The following HMGXB3 variants were observed in gnomAD, a reference collection of about 807,000 sequenced individuals.
HMGXB3 encodes the protein HMG-box containing 3.
Under a neutral mutation model 121.5 loss-of-function variants are expected in HMGXB3, and 45 were observed. That is an observed-to-expected ratio of 0.37 (90% CI 0.29 to 0.47). The LOEUF is 0.47. Among genes scored for constraint, HMGXB3 ranks in the 20% least tolerant of loss-of-function variants. HMGXB3 has a pLI of 0.99. For synonymous variants in HMGXB3, 590 were observed against 624.1 expected, an observed-to-expected ratio of 0.95 and a Z score of 0.81; for missense variants, 1,376 against 1,602.2, an observed-to-expected ratio of 0.86 and a Z score of 2.41.
chr5:150,032,700 G>A (rs1756409911), intron 11 of HMGXB3, 97 bp downstream of exon 11: 1 of 1,375,856 alleles, frequency 7.3e-7, no homozygotes, highest in Admixed American at 2.2e-5. Flanking sequence ...AGTACATGGT[G>A]GTAGTTAGAG....
intron 10 of HMGXB3, among the ~76,000 whole-genome samples, chr5:150,031,274 T>A (rs1308846478): frequency 6.6e-6 from 1 of 152,248 alleles, no homozygotes; most frequent in African/African-American, 2.4e-5. Context: ...GTAAAGCAGC[T>A]TATTTTGTTT....
chr5:150,023,394 A>T (rs916990653), intron 6 of HMGXB3, among the ~76,000 whole-genome samples: 4 of 152,206 alleles, frequency 2.6e-5, no homozygotes, highest in Admixed American at 6.5e-5. Flanking sequence ...AGCTTGCCTT[A>T]TACCACATAA....
chr5:150,032,047 AGATGCTAGAGCTTT>A (rs1756393922), intron 10 of HMGXB3, among the ~76,000 whole-genome samples: 1 of 152,006 alleles, frequency 6.6e-6, no homozygotes, highest in Admixed American at 6.6e-5. Flanking sequence ...ATAGGAGCTT[AGATGCTAGAGCTTT>A]GAGCTTTAAT....
chr5:150,039,538 A>AT (rs1260957674), intron 13 of HMGXB3, among the ~76,000 whole-genome samples: 14 of 151,834 alleles, frequency 9.2e-5, no homozygotes, highest in Non-Finnish European at 5.9e-5. Context: ...AATTTGTTGT[A>AT]TTTCTTTGTA....
chr5:150,024,771 CAG>C (rs1215560270), intron 7 of HMGXB3, 91 bp downstream of exon 7: 1 of 1,093,278 alleles, frequency 9.1e-7, no homozygotes, highest in Non-Finnish European at 1.3e-6. Flanking sequence ...AGAGAGGCAG[CAG>C]AGACCAGGCA....
chr5:150,025,226 C>T (rs970837716), intron 7 of HMGXB3, among the ~76,000 whole-genome samples: 6 of 152,198 alleles, frequency 3.9e-5, no homozygotes, highest in African/African-American at 1.2e-4. Context: ...AACCAAGTAC[C>T]TTGCAAGTCG....
At chr5:150,028,082 C>T (rs1756275685) in intron 9 of HMGXB3, among the ~76,000 whole-genome samples, 1 of 152,066 alleles carries the variant, frequency 6.6e-6, no homozygotes, top group Admixed American at 6.6e-5. Context: ...TTTATACATT[C>T]TAGGGGGACA....
At chr5:150,008,096 C>T in intron 3 of HMGXB3, among the ~76,000 whole-genome samples, 1 of 146,618 alleles carries the variant, frequency 6.8e-6, no homozygotes, top group African/African-American at 2.5e-5. Context: ...CACACACACA[C>T]ACAAATCAGC....
chr5:150,024,157 A>G, intron 6 of HMGXB3, 105 bp from the exon 7 acceptor site: 1 of 916,624 alleles, frequency 1.1e-6, no homozygotes, highest in Non-Finnish European at 1.6e-6. Context: ...CATGGACCTT[A>G]GTTTCCTTAT....
At chr5:150,045,989 G>A (rs1756747794) in intron 16 of HMGXB3, among the ~76,000 whole-genome samples, 2 of 152,148 alleles carry the variant, frequency 1.3e-5, no homozygotes, top group South Asian at 4.1e-4. Context: ...ATCCCCAAAG[G>A]TTTTCATTGA....
In HMGXB3 at chr5:150,052,349, G is replaced by A. The variant is rs1019870287; in HGVS notation, c.*157G>A. 16 of 638,724 alleles carry A rather than the reference G, an allele frequency of 2.5e-5. No individual in the cohort carries two copies. The highest frequency in any genetic ancestry group is 2.0e-4 in the African/African-American group (11 of 54,562). 39.6% of individuals were successfully genotyped at this position (638,724 alleles called of 1,614,324 possible). A position where few individuals can be genotyped will look rare whatever the true frequency, so the allele number is the denominator to read the frequency against. On this transcript the variant is annotated 3_prime_UTR_variant, in exon 20 of 20. Transcript: ENST00000502717. ...AGAGCTTCCATTCCCTGAGCATGGT[G>A]GGACCCAGGGTCCTCAGTTCTCAAC...
rs1476782880 is a variant in HMGXB3 at position 150,052,127 on chromosome 5, G to A, written c.3814G>A (p.Ala1272Thr). The A allele has an allele frequency of 1.3e-6, 2 of 1,551,576 alleles. No individual in the cohort carries two copies. Among genetic ancestry groups the A allele is most frequent in the Non-Finnish European group, 1.7e-6 (2 of 1,147,012 alleles). ...TGACACCCTCTACCGCCTTGGGGTT[G>A]CTCAGATCAAGACAGAGACAGAGGA... Reference protein sequence around the residue: ...IRDTLYRLGVAQIKTETEEEG... With the variant: ...IRDTLYRLGVTQIKTETEEEG... Residue 1272 changes from alanine (A) to threonine (T), a missense_variant, in exon 20 of 20, where the codon GCT becomes ACT. Around this residue, in one of 2 missense-constraint regions of HMGXB3, gnomAD observed 260 missense variants for 233.2 expected, o/e 1.11. Transcript: ENST00000502717.
chr5:150,043,296 G>A (rs976200754), intron 15 of HMGXB3, among the ~76,000 whole-genome samples: 2 of 149,490 alleles, frequency 1.3e-5, no homozygotes, highest in Admixed American at 1.3e-4. Context: ...CATGCTATGA[G>A]GTCTGGTCTA....
At chr5:150,025,955 C>T (rs762326525) in intron 7 of HMGXB3, among the ~76,000 whole-genome samples, 2 of 151,730 alleles carry the variant, frequency 1.3e-5, no homozygotes, top group East Asian at 3.9e-4. Flanking sequence ...CTCAGCCTCC[C>T]GAGTAGCTGG....
At chr5:150,008,777 C>T (rs1469689) in intron 3 of HMGXB3, among the ~76,000 whole-genome samples, 25,219 of 152,152 alleles carry the variant, frequency 0.17, 2,583 homozygotes, top group Admixed American at 0.27. Context: ...TGTGTATTTG[C>T]CACCATTTAG....
At position 150,041,769 on chromosome 5, in the gene HMGXB3, C is replaced by G. The variant is rs1049785149; in HGVS notation, c.2546-16C>G. 7.8e-6 allele frequency: 12 copies of G among 1,547,996 alleles called. No homozygotes were observed. The highest frequency in any genetic ancestry group is 2.4e-5 in the East Asian group (1 of 40,900). ...CTTTTTCTGTGCCCTTCTCAGTGTT[C>G]TTGCTCTTCTTTCAGAGAAGACTCT... is the stretch of plus-strand genomic sequence containing the variant. On this transcript the variant is annotated splice_polypyrimidine_tract_variant and intron_variant, in intron 14 of 19. Coordinates refer to ENST00000502717, the MANE Select transcript of HMGXB3 (RefSeq NM_014983.3).
intron 6 of HMGXB3, among the ~76,000 whole-genome samples, chr5:150,023,310 G>C (rs919896296): frequency 2.0e-5 from 3 of 152,146 alleles, no homozygotes; most frequent in Non-Finnish European, 2.9e-5. Flanking sequence ...CCAAAATGCT[G>C]TCTGGCTCCT....
chr5:150,020,020 C>G (rs1050935198), intron 6 of HMGXB3, among the ~76,000 whole-genome samples: 1 of 152,176 alleles, frequency 6.6e-6, no homozygotes, highest in Non-Finnish European at 1.5e-5. Context: ...TTGGTCAAGA[C>G]ATTCTATATC....
Position 150,020,012 on chromosome 5 carries a change from G to T in HMGXB3, c.1041+1315G>T, listed in dbSNP as rs559753814. On this transcript the variant is annotated intron_variant, in intron 6 of 19. Coordinates refer to ENST00000502717, the MANE Select transcript of HMGXB3 (RefSeq NM_014983.3). ...CCAAGGTTTTTAACTATGTAATCTT[G>T]GTCAAGACATTCTATATCTGTTCCT... 5.3e-5 allele frequency among the ~76,000 whole-genome samples: 8 copies of T among 152,220 alleles called. No homozygotes were observed. In the South Asian group the frequency reaches 1.7e-3, roughly 32 times the overall value.
Sources: gnomAD v4.1 joint callset for allele counts (sites outside exome capture counted in the v4.1 genomes callset) on GRCh38, gnomAD v4.1.1 for gene constraint, gnomAD v4.1.1 regional missense constraint, MANE v1.5 for transcripts, NCBI Gene and HGNC (gene_info 2026-07-23, HGNC 2026-07-21) for gene names.